FOXN4: variants seen among roughly 807,000 people sequenced by gnomAD.
The protein encoded by FOXN4 is forkhead box N4.
In FOXN4, 12 loss-of-function variants were observed where a neutral mutation model predicts 45.0. The observed-to-expected ratio is 0.27, with a 90% CI of 0.17 to 0.43. The LOEUF (loss-of-function observed/expected upper bound fraction) is 0.43. FOXN4 is among the 20% of genes least tolerant of loss of function. The pLI is 1.00. For synonymous variants in FOXN4, 297 were observed against 295.0 expected (o/e 1.01, Z -0.07); for missense variants, 560 against 694.9 (o/e 0.81, Z 2.18).
rs1408775651 is a variant in FOXN4 at position 109,281,444 on chromosome 12, A to G, written c.1257T>C (p.Asp419=). The stretch of plus-strand genomic sequence containing the variant: ...AGTCCATGATGCTCGGGTCGAGGGC[A>G]TCCACCTCAGTGTTCATGTCGGTGC... ...NISTDMNTEV[D]ALDPSIMDFA... The change falls in exon 9 of 10, where the codon GAT becomes GAC. Residue 419 remains aspartate, a synonymous_variant. Coordinates refer to ENST00000299162, the MANE Select transcript of FOXN4 (RefSeq NM_213596.3). 2 of 1,613,964 alleles carry G rather than the reference A, an allele frequency of 1.2e-6. No individual in the cohort carries two copies. The highest frequency in any genetic ancestry group is 2.2e-5 in the East Asian group (1 of 44,880).
At chr12:109,286,860 C>T (rs1438016701) in intron 6 of FOXN4, 116 bp from the exon 7 acceptor site, 45 of 1,456,490 alleles carry the variant, frequency 3.1e-5, no homozygotes, top group Non-Finnish European at 4.0e-5. Flanking sequence ...CCCTGCTTGA[C>T]CCTAAACACT....
At chr12:109,285,143 T>G (rs2047694447) in intron 8 of FOXN4, 161 bp downstream of exon 8, 2 of 414,614 alleles carry the variant, frequency 4.8e-6, no homozygotes, top group Non-Finnish European at 6.5e-6. Context: ...TGTGCGTGTA[T>G]TTGTGTGTGT....
At chr12:109,300,122 G>A (rs1218330583) in intron 2 of FOXN4, among the ~76,000 whole-genome samples, 2 of 152,198 alleles carry the variant, frequency 1.3e-5, no homozygotes, top group African/African-American at 4.8e-5. Context: ...CAGTGGTGGT[G>A]GTCCCATTAT....
In FOXN4 at chr12:109,281,483, G is replaced by A; in HGVS notation, c.1218C>T (p.Asp406=). ...PHPAMGRAPV[D]FINISTDMNT... ...TCATGTCGGTGCTGATGTTGATGAAGTCTACAGGAGCCCTTCCCATGGCGG... is the reference window on the plus strand; with the variant it reads ...TCATGTCGGTGCTGATGTTGATGAAATCTACAGGAGCCCTTCCCATGGCGG... Residue 406 remains aspartate, a synonymous_variant, in exon 9 of 10, where the codon GAC becomes GAT. Coordinates refer to ENST00000299162, the MANE Select transcript of FOXN4 (RefSeq NM_213596.3). 2 of 1,614,052 alleles carry A rather than the reference G, an allele frequency of 1.2e-6. No individual in the cohort carries two copies. The highest frequency in any genetic ancestry group is 1.7e-6 in the Non-Finnish European group (2 of 1,179,900).
rs1458074978 is a variant in FOXN4 at position 109,304,272 on chromosome 12, AAAGAAAGAAAGAAAGAAAGAAAG to A, written c.86+3941_86+3963del. 2.0e-4 allele frequency among the ~76,000 whole-genome samples: 17 copies of A among 85,486 alleles called. 1 individual carries two copies. The highest frequency in any genetic ancestry group is 7.3e-4 in the African/African-American group (15 of 20,462). 56.1% of individuals were successfully genotyped at this position (85,486 alleles called of 152,430 possible). A position where few individuals can be genotyped will look rare whatever the true frequency, so the allele number is the denominator to read the frequency against. On this transcript the variant is annotated intron_variant, in intron 2 of 9. Coordinates refer to ENST00000299162, the MANE Select transcript of FOXN4 (RefSeq NM_213596.3). ...GAAAGAAAGAAAGAAAGAAAGAAAG[AAAGAAAGAAAGAAAGAAAGAAAG>A]GAGAAAGAAAGAAGGAAAGAAGGAA... is the stretch of plus-strand genomic sequence containing the variant.
chr12:109,286,748 G>A lies in FOXN4; in HGVS notation c.597-4C>T. On this transcript the variant is annotated splice_region_variant and splice_polypyrimidine_tract_variant and intron_variant, in intron 6 of 9. Coordinates refer to ENST00000299162, the MANE Select transcript of FOXN4 (RefSeq NM_213596.3). ...CAGGGCCATGGCGATCAGACAGCTG[G>A]GGGCAGGAGGTGGGGCAGGGCAGGG... 1 of 1,603,290 alleles carries A rather than the reference G, an allele frequency of 6.2e-7. No individual in the cohort carries two copies. Among genetic ancestry groups the A allele is most frequent in the Non-Finnish European group, 8.5e-7 (1 of 1,179,312 alleles).
At chr12:109,285,934 C>T (rs1033199389) in intron 7 of FOXN4, among the ~76,000 whole-genome samples, 1 of 150,282 alleles carries the variant, frequency 6.7e-6, no homozygotes, top group African/African-American at 2.5e-5. Context: ...GGTATGATCA[C>T]GGCTCACTGC....
At chr12:109,304,925 G>A (rs1360668107) in intron 2 of FOXN4, among the ~76,000 whole-genome samples, 1 of 152,164 alleles carries the variant, frequency 6.6e-6, no homozygotes, top group East Asian at 1.9e-4. Flanking sequence ...TGAATGCCTT[G>A]ACCCATTCGA....
intron 8 of FOXN4, among the ~76,000 whole-genome samples, chr12:109,282,275 C>T (rs868729653): frequency 6.6e-5 from 10 of 152,144 alleles, no homozygotes; most frequent in Middle Eastern, 3.4e-3. Flanking sequence ...AGTGAGCTAC[C>T]ATCTCTACAA....
chr12:109,302,806 T>C (rs1195798387), intron 2 of FOXN4, among the ~76,000 whole-genome samples: 1 of 152,186 alleles, frequency 6.6e-6, no homozygotes, highest in Non-Finnish European at 1.5e-5. Context: ...CCGCCCTGAT[T>C]ACAACAAGGT....
chr12:109,295,117 C>T (rs745994614), intron 2 of FOXN4, among the ~76,000 whole-genome samples: 3 of 152,134 alleles, frequency 2.0e-5, no homozygotes, highest in Admixed American at 6.5e-5. Context: ...ATACCTCATA[C>T]CCCCCAGGCT....
At chr12:109,292,077 G>A (rs2136930979) in intron 2 of FOXN4, among the ~76,000 whole-genome samples, 1 of 152,314 alleles carries the variant, frequency 6.6e-6, no homozygotes, top group Non-Finnish European at 1.5e-5. Context: ...CAGGGGCAGG[G>A]CCTGCTATGC....
intron 2 of FOXN4, among the ~76,000 whole-genome samples, chr12:109,298,841 GGTGTGAGCTCCTCCTGGCT>G (rs2047842918): frequency 6.6e-6 from 1 of 152,168 alleles, no homozygotes; most frequent in Non-Finnish European, 1.5e-5. Context: ...CAGGGCCACA[GGTGTGAGCTCCTCCTGGCT>G]GCGTGACCTG....
chr12:109,289,207 TC>T (rs1306268032), intron 3 of FOXN4, among the ~76,000 whole-genome samples: 1 of 152,206 alleles, frequency 6.6e-6, no homozygotes, highest in Non-Finnish European at 1.5e-5. Flanking sequence ...ACACAGCTGT[TC>T]CCTGGGCGTT....
chr12:109,283,550 A>G (rs979809393), intron 8 of FOXN4, among the ~76,000 whole-genome samples: 2 of 147,212 alleles, frequency 1.4e-5, no homozygotes, highest in Non-Finnish European at 3.0e-5. Context: ...ATCTCGGGTC[A>G]CTGCAACCTC....
At chr12:109,294,430 C>T (rs563012646) in intron 2 of FOXN4, among the ~76,000 whole-genome samples, 2 of 152,260 alleles carry the variant, frequency 1.3e-5, no homozygotes, top group African/African-American at 2.4e-5. Context: ...TCTCCCTTCT[C>T]GGGGGTTTGC....
chr12:109,304,279 GAAAGAAA>G (rs2047898406), intron 2 of FOXN4, among the ~76,000 whole-genome samples: 1 of 63,438 alleles, frequency 1.6e-5, no homozygotes, highest in Non-Finnish European at 3.6e-5. Flanking sequence ...AAGAAAGAAA[GAAAGAAA>G]GAAAGAAAGG....
At chr12:109,298,532 T>G (rs369645983) in intron 2 of FOXN4, among the ~76,000 whole-genome samples, 1 of 152,052 alleles carries the variant, frequency 6.6e-6, no homozygotes, top group Admixed American at 6.6e-5. Context: ...CAGCTAATTT[T>G]TGGCATTTTT....
At chr12:109,305,120 G>A (rs191067830) in intron 2 of FOXN4, among the ~76,000 whole-genome samples, 15 of 152,296 alleles carry the variant, frequency 9.8e-5, no homozygotes, top group African/African-American at 3.6e-4. Context: ...GTCACAAATG[G>A]TGGTTACAAA....
Sources: gnomAD v4.1 joint callset for allele counts (sites outside exome capture counted in the v4.1 genomes callset) on GRCh38, gnomAD v4.1.1 for gene constraint, MANE v1.5 for transcripts, NCBI Gene and HGNC (gene_info 2026-07-23, HGNC 2026-07-21) for gene names.